Variants in HECTD4 observed in about 807,000 individuals in gnomAD.
HECTD4 encodes probable E3 ubiquitin-protein ligase HECTD4.
In HECTD4, 114 loss-of-function variants were observed where a neutral mutation model predicts 471.5. The observed-to-expected ratio is 0.24, with a 90% CI of 0.21 to 0.28. The LOEUF is 0.28. Ranked by LOEUF, HECTD4 falls within the 10% of genes least tolerant of loss-of-function variation. The probability of loss-of-function intolerance (pLI) is 1.00; values close to 1 mark genes in which losing one functional copy is unlikely to be tolerated. For synonymous variants in HECTD4, 2,012 were observed against 2,256.0 expected, an observed-to-expected ratio of 0.89 and a Z score of 3.07; for missense variants, 3,866 against 5,651.5, an observed-to-expected ratio of 0.68 and a Z score of 10.13.
At chr12:112,169,239 C>T (rs540816535) in intron 70 of HECTD4, among the ~76,000 whole-genome samples, 2 of 152,306 alleles carry the variant, frequency 1.3e-5, no homozygotes, top group African/African-American at 4.8e-5. Flanking sequence ...GGGCCCTTCC[C>T]GGGGAGGGGG....
chr12:112,301,721 A>C, intron 7 of HECTD4: 1 of 402,090 alleles, frequency 2.5e-6, no homozygotes, highest in Non-Finnish European at 4.5e-6. Flanking sequence ...CTGTTTTATA[A>C]TATGAATGCA....
chr12:112,262,709 G>A (rs2135602643), intron 17 of HECTD4, among the ~76,000 whole-genome samples: 1 of 151,906 alleles, frequency 6.6e-6, no homozygotes, highest in East Asian at 1.9e-4. Flanking sequence ...TCCACCTCCT[G>A]GGTTCAAGCA....
chr12:112,265,831 C>A, intron 15 of HECTD4, 47 bp downstream of exon 15: 1 of 1,385,828 alleles, frequency 7.2e-7, no homozygotes, highest in Non-Finnish European at 1.0e-6. Flanking sequence ...TGTAAACTAA[C>A]GACTGAGAAC....
chr12:112,176,770 C>A, intron 64 of HECTD4, 68 bp from the exon 65 acceptor site: 1 of 1,192,500 alleles, frequency 8.4e-7, no homozygotes, highest in Non-Finnish European at 1.3e-6. Flanking sequence ...AAATACACAG[C>A]CTCATAGTCA....
chr12:112,283,095 C>A lies in HECTD4; in HGVS notation c.1528+15G>T. On this transcript the variant is annotated intron_variant, in intron 8 of 75. Transcript: ENST00000682272. ...TATACAAGGAAACAGATCTGGGAAG[C>A]ACAGAGTAACATACCTGCTTGATCC... 1.2e-6 allele frequency: 2 copies of A among 1,605,104 alleles called. No individual in the cohort carries two copies. Among genetic ancestry groups the A allele is most frequent in the Non-Finnish European group, 1.7e-6 (2 of 1,174,336 alleles).
intron 4 of HECTD4, among the ~76,000 whole-genome samples, chr12:112,311,908 T>C (rs939546796): frequency 6.6e-6 from 1 of 152,232 alleles, no homozygotes; most frequent in Non-Finnish European, 1.5e-5. Context: ...TTGACTCTAG[T>C]TGAATTAGTG....
intron 61 of HECTD4, among the ~76,000 whole-genome samples, chr12:112,183,679 T>C (rs1196844206): frequency 2.0e-5 from 3 of 152,204 alleles, no homozygotes; most frequent in Non-Finnish European, 4.4e-5. Context: ...CCTACCTTAC[T>C]GTTATGCAAA....
Position 112,314,487 on chromosome 12 carries a change from C to T in HECTD4, c.755G>A (p.Gly252Glu). ...TAGCACATCAGCTACAGGCAGGGAC[C>T]CTAGATCCGTCTGTTTCTGTAATAG... ...VHLLQKQTDLGSLPVADVLYR... is the reference protein window; with the variant it reads ...VHLLQKQTDLESLPVADVLYR... The change falls in exon 3 of 76, where the codon GGG becomes GAG. Residue 252 changes from glycine (G) to glutamate (E), a missense_variant. Gly to Glu is a moderately conservative substitution (Grantham distance 98). Coordinates refer to ENST00000682272, the MANE Select transcript of HECTD4 (RefSeq NM_001388303.1). 6.5e-7 allele frequency: 1 copy of T among 1,531,772 alleles called. No individual in the cohort carries two copies. The highest frequency in any genetic ancestry group is 8.7e-7 in the Non-Finnish European group (1 of 1,143,108). 94.9% of individuals were successfully genotyped at this position (1,531,772 alleles called of 1,614,324 possible).
intron 1 of HECTD4, among the ~76,000 whole-genome samples, chr12:112,324,254 G>A (rs1418205303): frequency 1.3e-5 from 2 of 150,108 alleles, no homozygotes; most frequent in Admixed American, 6.7e-5. Context: ...TGAGTAGCTG[G>A]GACTAGAGGC....
In HECTD4 at chr12:112,183,198, C is replaced by A. The variant is rs952696511; in HGVS notation, c.10848G>T (p.Leu3616Phe). ...ATTCATCTTCACCATCCAAACTTGACAAACCAATCAAGTCATTATTGTTAA... is the reference window on the plus strand; with the variant it reads ...ATTCATCTTCACCATCCAAACTTGAAAAACCAATCAAGTCATTATTGTTAA... ...SLFNNNDLIGLSSLDGEDELM... is the reference protein window; with the variant it reads ...SLFNNNDLIGFSSLDGEDELM... Residue 3616 changes from leucine (L) to phenylalanine (F), a missense_variant, in exon 62 of 76, where the codon TTG (leucine) becomes TTT (phenylalanine). Coordinates refer to ENST00000682272, the MANE Select transcript of HECTD4 (RefSeq NM_001388303.1). 5 of 1,613,940 alleles carry A rather than the reference C, an allele frequency of 3.1e-6. No homozygotes were observed. The highest frequency in any genetic ancestry group is 1.1e-5 in the South Asian group (1 of 91,080).
chr12:112,361,916 T>A (rs942622415), intron 1 of HECTD4, among the ~76,000 whole-genome samples: 1 of 152,206 alleles, frequency 6.6e-6, no homozygotes, highest in Non-Finnish European at 1.5e-5. Flanking sequence ...ATACTTATTT[T>A]TTGTGTAAGT....
At chr12:112,286,575 C>T (rs2034759418) in intron 7 of HECTD4, among the ~76,000 whole-genome samples, 1 of 152,020 alleles carries the variant, frequency 6.6e-6, no homozygotes, top group Non-Finnish European at 1.5e-5. Context: ...GCCTGTAGTC[C>T]CTGCTACAAG....
intron 1 of HECTD4, among the ~76,000 whole-genome samples, chr12:112,329,283 C>T (rs1055870410): frequency 4.6e-5 from 7 of 151,820 alleles, no homozygotes; most frequent in African/African-American, 7.3e-5. Context: ...TGTATACATA[C>T]TTCTTATCAG....
intron 11 of HECTD4, among the ~76,000 whole-genome samples, chr12:112,272,401 G>C (rs2034434580): frequency 6.6e-6 from 1 of 151,994 alleles, no homozygotes; most frequent in Admixed American, 6.6e-5. Flanking sequence ...GCTTCCTAGG[G>C]TTCACCCCTA....
rs112403144 is a variant in HECTD4 at position 112,323,590 on chromosome 12, T to C, written c.178-3848A>G. ...TCTGTATGATTTCATTTCTGTGACATTCTGGGAAAAAAAAAAAACTATGGT... is the reference window on the plus strand; with the variant it reads ...TCTGTATGATTTCATTTCTGTGACACTCTGGGAAAAAAAAAAAACTATGGT... On this transcript the variant is annotated intron_variant, in intron 1 of 75. Coordinates refer to ENST00000682272, the MANE Select transcript of HECTD4 (RefSeq NM_001388303.1). Among the ~76,000 whole-genome samples, 766 of 151,780 alleles carry C rather than the reference T, an allele frequency of 5.0e-3. 4 individuals are homozygous for C. Among genetic ancestry groups the C allele is most frequent in the African/African-American group, 0.017 (711 of 41,412 alleles).
At chr12:112,164,053 C>T (rs2030820381) in intron 73 of HECTD4, 56 bp downstream of exon 73, 11 of 1,376,486 alleles carry the variant, frequency 8.0e-6, no homozygotes, top group Non-Finnish European at 1.0e-5. Context: ...GCTGTCATAC[C>T]CTGGCTGGCT....
intron 44 of HECTD4, among the ~76,000 whole-genome samples, chr12:112,222,441 C>A (rs1026551316): frequency 6.6e-6 from 1 of 152,130 alleles, no homozygotes; most frequent in Non-Finnish European, 1.5e-5. Context: ...TTGAAGTGGG[C>A]GGATCACTTG....
At chr12:112,245,499 TGTACCA>T (rs2033741657) in intron 29 of HECTD4, among the ~76,000 whole-genome samples, 1 of 152,172 alleles carries the variant, frequency 6.6e-6, no homozygotes, top group Admixed American at 6.5e-5. Context: ...GGCATGTGAT[TGTACCA>T]CACACTCTCT....
intron 1 of HECTD4, among the ~76,000 whole-genome samples, chr12:112,330,268 C>T (rs1270453723): frequency 6.8e-6 from 1 of 146,080 alleles, no homozygotes; most frequent in African/African-American, 2.5e-5. Context: ...CAGAGTGATA[C>T]TTTGTCTCAA....
Sources: gnomAD v4.1 joint callset for allele counts (sites outside exome capture counted in the v4.1 genomes callset) on GRCh38, gnomAD v4.1.1 for gene constraint, MANE v1.5 for transcripts, NCBI Gene and HGNC (gene_info 2026-07-23, HGNC 2026-07-21) for gene names.